FHOD3: variants seen among roughly 807,000 people sequenced by gnomAD.
The protein encoded by FHOD3 is FH1/FH2 domain-containing protein 3.
Under a neutral mutation model 173.0 loss-of-function variants are expected in FHOD3, and 90 were observed. The ratio of observed to expected loss-of-function variants is 0.52; its 90% confidence interval spans 0.44 to 0.62. The LOEUF is 0.62. FHOD3 is among the 20% of genes least tolerant of loss of function. The probability of loss-of-function intolerance (pLI) is 0.00; values close to 1 mark genes in which losing one functional copy is unlikely to be tolerated. For synonymous variants in FHOD3, 828 were observed against 823.0 expected (o/e 1.01, Z -0.10); for missense variants, 1,945 against 2,034.7 (o/e 0.96, Z 0.85).
intron 8 of FHOD3, among the ~76,000 whole-genome samples, chr18:36,609,221 G>T (rs1056971076): frequency 8.5e-5 from 13 of 152,312 alleles, no homozygotes; most frequent in African/African-American, 3.1e-4. Flanking sequence ...CATTTACCTC[G>T]CAGACTTTCC....
intron 5 of FHOD3, among the ~76,000 whole-genome samples, chr18:36,568,115 G>C (rs2058329518): frequency 6.7e-6 from 1 of 148,786 alleles, no homozygotes; most frequent in Admixed American, 6.7e-5. Flanking sequence ...CTTGAGGTCA[G>C]CAGTTTGAGA....
At chr18:36,599,224 G>A (rs2030978495) in intron 7 of FHOD3, among the ~76,000 whole-genome samples, 1 of 152,184 alleles carries the variant, frequency 6.6e-6, no homozygotes, top group Non-Finnish European at 1.5e-5. Flanking sequence ...AGAGGGTGAG[G>A]CAAGTGACCA....
chr18:36,691,337 G>T (rs1056585942), intron 16 of FHOD3, among the ~76,000 whole-genome samples: 1 of 152,226 alleles, frequency 6.6e-6, no homozygotes, highest in Non-Finnish European at 1.5e-5. Context: ...GACCTGTCCA[G>T]ATTCTCTTAT....
At chr18:36,444,074 T>C (rs2051318701) in intron 3 of FHOD3, among the ~76,000 whole-genome samples, 1 of 151,226 alleles carries the variant, frequency 6.6e-6, no homozygotes, top group South Asian at 2.1e-4. Flanking sequence ...GCGCCTGTAG[T>C]CCCAGCTGTT....
intron 5 of FHOD3, among the ~76,000 whole-genome samples, chr18:36,556,480 A>C (rs1370218794): frequency 6.6e-6 from 1 of 152,210 alleles, no homozygotes; most frequent in African/African-American, 2.4e-5. Flanking sequence ...TCAGAGAACC[A>C]ATCCCCCAAG....
At chr18:36,298,349 C>T (rs1211609055) in intron 1 of FHOD3, among the ~76,000 whole-genome samples, 1 of 152,148 alleles carries the variant, frequency 6.6e-6, no homozygotes, top group African/African-American at 2.4e-5. Flanking sequence ...CAGTCGGCCT[C>T]GGCACTCGGG....
chr18:36,683,525 C>T (rs1452183539), intron 15 of FHOD3, among the ~76,000 whole-genome samples: 1 of 152,146 alleles, frequency 6.6e-6, no homozygotes, highest in African/African-American at 2.4e-5. Context: ...TTCAGTTTTA[C>T]AAAACCAGTG....
intron 4 of FHOD3, among the ~76,000 whole-genome samples, chr18:36,508,791 G>C (rs1478669851): frequency 6.6e-6 from 1 of 152,144 alleles, no homozygotes. Flanking sequence ...AGTCTTGTTT[G>C]TAGAAATATT....
intron 14 of FHOD3, among the ~76,000 whole-genome samples, chr18:36,676,643 C>CTATAATTATAATAACT (rs1441259968): frequency 6.6e-6 from 1 of 152,088 alleles, no homozygotes; most frequent in Non-Finnish European, 1.5e-5. Context: ...CTTCTAGAAG[C>CTATAATTATAATAACT]AGTGTATGAG....
At chr18:36,653,512 C>A in intron 13 of FHOD3, 96 bp downstream of exon 13, 1 of 860,840 alleles carries the variant, frequency 1.2e-6, no homozygotes, top group Non-Finnish European at 1.8e-6. Flanking sequence ...TATCTTCCTA[C>A]AACGTGACAC....
At chr18:36,513,069 C>T (rs900133106) in intron 5 of FHOD3, among the ~76,000 whole-genome samples, 2 of 151,768 alleles carry the variant, frequency 1.3e-5, no homozygotes, top group Non-Finnish European at 2.9e-5. Flanking sequence ...ATTTATAAAG[C>T]GATGCAAATG....
chr18:36,518,567 G>A lies in FHOD3; in HGVS notation c.511+6024G>A, dbSNP rs1180279850. 3.9e-5 allele frequency among the ~76,000 whole-genome samples: 6 copies of A among 152,186 alleles called. No individual in the cohort carries two copies. The East Asian group carries it at 1.2e-3, about 29-fold the overall frequency. On this transcript the variant is annotated intron_variant, in intron 5 of 28. Transcript: ENST00000590592. ...TCACTGCAGCGTAAGCAGACTGGCA[G>A]CCTGTGGGGCTGAATGGAACCTGCA...
intron 19 of FHOD3, among the ~76,000 whole-genome samples, chr18:36,729,513 T>G (rs1487474709): frequency 2.0e-5 from 3 of 152,226 alleles, no homozygotes; most frequent in Non-Finnish European, 4.4e-5. Context: ...CTCACAGTTC[T>G]GGAGGCTGGG....
intron 1 of FHOD3, among the ~76,000 whole-genome samples, chr18:36,313,565 A>G (rs749779593): frequency 7.2e-5 from 11 of 152,218 alleles, no homozygotes; most frequent in Non-Finnish European, 1.2e-4. Flanking sequence ...CACTCTGCAC[A>G]GTGCCCTTCA....
chr18:36,315,924 G>A (rs1372001123), intron 1 of FHOD3, among the ~76,000 whole-genome samples: 4 of 152,098 alleles, frequency 2.6e-5, no homozygotes, highest in Non-Finnish European at 5.9e-5. Flanking sequence ...CCCTGAAGTG[G>A]CAGCTCTCTG....
At chr18:36,734,954 T>A (rs1055686293) in intron 20 of FHOD3, among the ~76,000 whole-genome samples, 4 of 152,188 alleles carry the variant, frequency 2.6e-5, no homozygotes, top group Non-Finnish European at 5.9e-5. Flanking sequence ...GTAGTTAACT[T>A]CATTAAGGAA....
At chr18:36,377,777 C>T (rs972921286) in intron 3 of FHOD3, among the ~76,000 whole-genome samples, 2 of 152,200 alleles carry the variant, frequency 1.3e-5, no homozygotes, top group South Asian at 2.1e-4. Context: ...GAGCTGGCTG[C>T]TCCCTGACTG....
At chr18:36,568,865 TA>T (rs2058363501) in intron 5 of FHOD3, among the ~76,000 whole-genome samples, 1 of 152,220 alleles carries the variant, frequency 6.6e-6, no homozygotes, top group African/African-American at 2.4e-5. Flanking sequence ...TGGGAAAAGA[TA>T]GATCACCACC....
chr18:36,593,304 T>C (rs2059290194), intron 6 of FHOD3, among the ~76,000 whole-genome samples: 1 of 152,176 alleles, frequency 6.6e-6, no homozygotes. Context: ...AGCCAGGGGC[T>C]GTAGCACCTC....
Sources: allele counts gnomAD v4.1 joint callset (sites outside exome capture counted in the v4.1 genomes callset), GRCh38; gene constraint gnomAD v4.1.1; transcripts MANE v1.5; gene names NCBI Gene and HGNC (gene_info 2026-07-23, HGNC 2026-07-21).